Variants in DLGAP2 observed in about 807,000 individuals in gnomAD.
DLGAP2 encodes the protein DLG associated protein 2.
DLGAP2 carries 26 observed loss-of-function variants against 100.3 expected under a neutral mutation model. The ratio of observed to expected loss-of-function variants is 0.26; its 90% confidence interval spans 0.19 to 0.36. DLGAP2 has a LOEUF of 0.36. Among genes scored for constraint, DLGAP2 ranks in the 10% least tolerant of loss-of-function variants. The pLI is 1.00. For missense variants in DLGAP2, 1,858 were observed against 1,453.2 expected, an observed-to-expected ratio of 1.28 and a Z score of -4.53; for synonymous variants, 886 against 630.1, an observed-to-expected ratio of 1.41 and a Z score of -6.08.
At chr8:1,275,240 C>A (rs2116936814) in intron 3 of DLGAP2, among the ~76,000 whole-genome samples, 1 of 152,192 alleles carries the variant, frequency 6.6e-6, no homozygotes, top group Non-Finnish European at 1.5e-5. Flanking sequence ...GTCACATGGT[C>A]CAGATCCCTC....
intron 1 of DLGAP2, among the ~76,000 whole-genome samples, chr8:800,394 A>G (rs2132653488): frequency 6.6e-6 from 1 of 152,378 alleles, no homozygotes; most frequent in South Asian, 2.1e-4. Flanking sequence ...GGCTGTTTGC[A>G]CAATGAGTTT....
At chr8:1,027,746 C>G (rs1272274743) in intron 2 of DLGAP2, among the ~76,000 whole-genome samples, 2 of 112,812 alleles carry the variant, frequency 1.8e-5, no homozygotes, top group African/African-American at 7.1e-5. Flanking sequence ...GGGTGTCAGG[C>G]GCCCGTTATT....
At chr8:891,930 G>A (rs1305848894) in intron 1 of DLGAP2, among the ~76,000 whole-genome samples, 3 of 152,324 alleles carry the variant, frequency 2.0e-5, no homozygotes, top group Admixed American at 2.0e-4. Flanking sequence ...GTGTCTGGGG[G>A]CTGCGCCACA....
At chr8:972,552 G>A (rs540521104) in intron 2 of DLGAP2, among the ~76,000 whole-genome samples, 1 of 152,126 alleles carries the variant, frequency 6.6e-6, no homozygotes, top group African/African-American at 2.4e-5. Flanking sequence ...GTAAAAATCA[G>A]TGAGCTTAAG....
intron 1 of DLGAP2, among the ~76,000 whole-genome samples, chr8:776,256 T>A (rs892593335): frequency 6.6e-6 from 1 of 152,154 alleles, no homozygotes; most frequent in African/African-American, 2.4e-5. Flanking sequence ...TCTTTATTAG[T>A]CTTGCTAGCG....
At chr8:1,563,735 C>A (rs933509260) in intron 5 of DLGAP2, among the ~76,000 whole-genome samples, 1 of 152,040 alleles carries the variant, frequency 6.6e-6, no homozygotes, top group Non-Finnish European at 1.5e-5. Context: ...GTCAGATCTG[C>A]CGGAGCACTG....
intron 6 of DLGAP2, among the ~76,000 whole-genome samples, chr8:1,616,371 G>A (rs1797154439): frequency 6.6e-6 from 1 of 152,092 alleles, no homozygotes; most frequent in Non-Finnish European, 1.5e-5. Flanking sequence ...AATTTGGTTT[G>A]AAAGAATCCA....
chr8:1,654,719 G>A (rs1173704684), intron 8 of DLGAP2, among the ~76,000 whole-genome samples: 4 of 151,582 alleles, frequency 2.6e-5, no homozygotes, highest in Non-Finnish European at 5.9e-5. Context: ...CAATTGGATT[G>A]GGAAGGAGCC....
intron 6 of DLGAP2, among the ~76,000 whole-genome samples, chr8:1,606,187 C>T (rs1026230749): frequency 3.9e-5 from 6 of 152,216 alleles, no homozygotes; most frequent in East Asian, 1.9e-4. Context: ...TCTGAACGTA[C>T]GGTTCATTTC....
intron 2 of DLGAP2, among the ~76,000 whole-genome samples, chr8:1,168,436 G>C (rs1474104326): frequency 1.3e-5 from 2 of 150,960 alleles, no homozygotes; most frequent in Non-Finnish European, 3.0e-5. Flanking sequence ...TCTAGTTCTA[G>C]ATCCCTGAGG....
rs183371383 is a variant in DLGAP2 at position 1,352,264 on chromosome 8, G to C, written c.106+93381G>C. 1.6e-5 allele frequency among the ~76,000 whole-genome samples: 2 copies of C among 126,870 alleles called. 1 individual carries two copies. Among genetic ancestry groups the C allele is most frequent in the Non-Finnish European group, 3.4e-5 (2 of 58,698 alleles). 83.2% of individuals were successfully genotyped at this position (126,870 alleles called of 152,430 possible). ...TGGAAAGGCCGTGTGGGTCCTGATC[G>C]TGTGTGGAAAGGACGTGCGGGTCCT... On this transcript the variant is annotated intron_variant, in intron 3 of 14. Coordinates refer to ENST00000637795, the MANE Select transcript of DLGAP2 (RefSeq NM_001346810.2).
At chr8:877,540 A>T (rs1429690763) in intron 1 of DLGAP2, among the ~76,000 whole-genome samples, 1 of 152,254 alleles carries the variant, frequency 6.6e-6, no homozygotes, top group Non-Finnish European at 1.5e-5. Context: ...TTGTGGGCAT[A>T]CATTGCTTCA....
chr8:1,371,153 A>G (rs902532925), intron 3 of DLGAP2, among the ~76,000 whole-genome samples: 1 of 152,202 alleles, frequency 6.6e-6, no homozygotes, highest in Non-Finnish European at 1.5e-5. Context: ...CGAGGAAGAG[A>G]GTAAGACACG....
At chr8:1,346,221 G>A (rs1460219233) in intron 3 of DLGAP2, among the ~76,000 whole-genome samples, 1 of 151,932 alleles carries the variant, frequency 6.6e-6, no homozygotes, top group African/African-American at 2.4e-5. Context: ...GCTGTGTGGA[G>A]GTTGAGTTCC....
intron 3 of DLGAP2, among the ~76,000 whole-genome samples, chr8:1,293,654 G>A (rs756244348): frequency 2.0e-5 from 3 of 152,130 alleles, no homozygotes; most frequent in Non-Finnish European, 4.4e-5. Context: ...TATCATGCCT[G>A]CTGTCTCTAG....
At chr8:1,040,565 G>A (rs1166781298) in intron 2 of DLGAP2, among the ~76,000 whole-genome samples, 2 of 149,206 alleles carry the variant, frequency 1.3e-5, no homozygotes, top group Non-Finnish European at 3.0e-5. Context: ...GGTGCGTGTG[G>A]TCGGCTCGGT....
intron 2 of DLGAP2, among the ~76,000 whole-genome samples, chr8:1,195,571 A>G (rs940323100): frequency 6.6e-6 from 1 of 152,214 alleles, no homozygotes; most frequent in Non-Finnish European, 1.5e-5. Context: ...AGTCTTTTAA[A>G]AACATATAAT....
intron 3 of DLGAP2, among the ~76,000 whole-genome samples, chr8:1,467,396 A>C: frequency 7.8e-6 from 1 of 127,526 alleles, no homozygotes; most frequent in Admixed American, 7.9e-5. Flanking sequence ...TCTGCCTTCT[A>C]CCTCCTCAGG....
chr8:1,431,915 GC>G (rs1368441739), intron 3 of DLGAP2, among the ~76,000 whole-genome samples: 2 of 151,790 alleles, frequency 1.3e-5, no homozygotes, highest in African/African-American at 2.4e-5. Context: ...ATCCATCAGG[GC>G]TGAACCCTGC....
Sources: gnomAD v4.1 joint callset for allele counts (sites outside exome capture counted in the v4.1 genomes callset) on GRCh38, gnomAD v4.1.1 for gene constraint, MANE v1.5 for transcripts, NCBI Gene and HGNC (gene_info 2026-07-23, HGNC 2026-07-21) for gene names.